PARVG: variants seen among roughly 807,000 people sequenced by gnomAD.
The protein encoded by PARVG is gamma-parvin.
PARVG carries 36 observed loss-of-function variants against 44.4 expected under a neutral mutation model. That is an observed-to-expected ratio of 0.81 (90% CI 0.62 to 1.07). The LOEUF (loss-of-function observed/expected upper bound fraction) is 1.07. Ranked by LOEUF, PARVG falls within the 50% of genes least tolerant of loss-of-function variation. The pLI is 0.00. For synonymous variants in PARVG, 170 were observed against 174.1 expected (o/e 0.98, Z 0.19); for missense variants, 407 against 407.4 (o/e 1.00, Z 0.01).
At chr22:44,190,856 G>T (rs1327403545) in intron 7 of PARVG, among the ~76,000 whole-genome samples, 190 bp downstream of exon 7, 1 of 152,224 alleles carries the variant, frequency 6.6e-6, no homozygotes, top group Admixed American at 6.5e-5. Flanking sequence ...GCTGGTAAGG[G>T]TCTAGTGGGG....
At chr22:44,205,614 G>T (rs1035875398) in intron 12 of PARVG, 143 bp from the exon 13 acceptor site, 7 of 852,890 alleles carry the variant, frequency 8.2e-6, no homozygotes, top group Non-Finnish European at 1.3e-5. Context: ...GATTGTGGTC[G>T]TGGTCAGGGA....
chr22:44,179,923 G>A (rs567303829), upstream of PARVG, among the ~76,000 whole-genome samples: 7 of 152,312 alleles, frequency 4.6e-5, no homozygotes, highest in South Asian at 2.1e-4. This position sits in a 1 kb window ranked among gnomAD's most constrained non-coding sequence, Gnocchi z 4.2. Flanking sequence ...GGAAGCTGCC[G>A]AGTCAGGCTG....
intron 8 of PARVG, among the ~76,000 whole-genome samples, chr22:44,193,000 G>C (rs2054570558): frequency 6.6e-6 from 1 of 152,186 alleles, no homozygotes; most frequent in Non-Finnish European, 1.5e-5. Context: ...GCCATCCTCT[G>C]AAGGCTTGGC....
Position 44,189,214 on chromosome 22 carries a change from T to C in PARVG, c.348T>C (p.Ser116=), listed in dbSNP as rs1009335870. 1.3e-5 allele frequency: 21 copies of C among 1,613,730 alleles called. No homozygotes were observed. Among genetic ancestry groups the C allele is most frequent in the Non-Finnish European group, 1.8e-5 (21 of 1,179,976 alleles). Residue 116 remains serine (S), a synonymous_variant, in exon 6 of 14, where the codon AGT becomes AGC. Coordinates refer to ENST00000444313, the MANE Select transcript of PARVG (RefSeq NM_022141.7). ...LTVVLEAVNR[S]LQLEEWQAKW... ...TGGTGCTGGAGGCCGTGAACCGGAG[T>C]CTGCAGCTGGAGGAGTGGCAGGCCA...
chr22:44,174,034 G>A (rs1229109643), intron 1 of PARVG, among the ~76,000 whole-genome samples: 1 of 152,198 alleles, frequency 6.6e-6, no homozygotes, highest in Non-Finnish European at 1.5e-5. Flanking sequence ...GAGTTTTCAA[G>A]GCCAGCAATG....
chr22:44,204,220 C>T (rs2054748855), intron 12 of PARVG, among the ~76,000 whole-genome samples: 1 of 152,178 alleles, frequency 6.6e-6, no homozygotes. Context: ...ACACTCCTTT[C>T]CATCTGGGAC....
chr22:44,178,694 C>T (rs1039196656), upstream of PARVG, among the ~76,000 whole-genome samples: 8 of 152,016 alleles, frequency 5.3e-5, no homozygotes, highest in Non-Finnish European at 1.2e-4. Flanking sequence ...ATGTTAGTGT[C>T]GTGAAAGATT....
chr22:44,196,057 C>G, intron 9 of PARVG, 98 bp from the exon 10 acceptor site: 1 of 1,309,420 alleles, frequency 7.6e-7, no homozygotes, highest in Non-Finnish European at 1.1e-6. Context: ...TCCCTCTGGA[C>G]TGGTTATTCT....
chr22:44,191,983 C>CT, intron 7 of PARVG, 66 bp from the exon 8 acceptor site: 1 of 1,557,680 alleles, frequency 6.4e-7, no homozygotes, highest in Non-Finnish European at 8.8e-7. Flanking sequence ...AAACGGATCA[C>CT]TGGGGCTTCT....
chr22:44,189,986 T>G (rs559154606), intron 6 of PARVG, among the ~76,000 whole-genome samples: 11 of 152,194 alleles, frequency 7.2e-5, no homozygotes, highest in African/African-American at 2.4e-4. Flanking sequence ...GTTCACAGTT[T>G]GGTATAGATT....
chr22:44,204,850 C>T (rs1188365334), intron 12 of PARVG, among the ~76,000 whole-genome samples: 1 of 152,196 alleles, frequency 6.6e-6, no homozygotes. Flanking sequence ...CACCAGGCTG[C>T]TGCCCTAAGG....
rs185283903 is a variant in PARVG, at chr22:44,190,775, A to G, written c.504+109A>G. The G allele has an allele frequency of 2.8e-5, 25 of 878,422 alleles. No homozygotes were observed. The East Asian group carries it at 6.4e-4, about 23-fold the overall frequency. The allele number at this position is 878,422 out of a possible 1,614,324, so 54.4% of individuals were successfully genotyped here. On this transcript the variant is annotated intron_variant, in intron 7 of 13. Transcript: ENST00000444313. ...GCTGGGGCGGGGCTGACCCAGGGTG[A>G]GTTTCAGGGAACCCTGAGAAATAGA... is the stretch of plus-strand genomic sequence containing the variant.
intron 3 of PARVG, chr22:44,185,018 CCTTT>C (rs367805652): frequency 8.5e-5 from 13 of 152,268 alleles, no homozygotes; most frequent in African/African-American, 2.9e-4. Context: ...TTCATTCCTT[CCTTT>C]CTTCATTCAT....
chr22:44,205,440 C>A (rs1232832817), intron 12 of PARVG, among the ~76,000 whole-genome samples: 4 of 152,242 alleles, frequency 2.6e-5, no homozygotes, highest in Non-Finnish European at 5.9e-5. Context: ...TATTGGGTAT[C>A]CTCCTTGGCG....
intron 1 of PARVG, among the ~76,000 whole-genome samples, chr22:44,174,073 T>C (rs1370823390): frequency 6.6e-6 from 1 of 152,220 alleles, no homozygotes; most frequent in Non-Finnish European, 1.5e-5. Context: ...ATCTTCCGAT[T>C]GGTTCTGTTC....
Position 44,191,353 on chromosome 22 carries a change from G to A in PARVG, c.504+687G>A, listed in dbSNP as rs538055067. ...CCTCTGACTCGCCCCAAGAGAATAA[G>A]CCAAGTTTGGCCACACCCAGTCAGA... On this transcript the variant is annotated intron_variant, in intron 7 of 13. Coordinates refer to ENST00000444313, the MANE Select transcript of PARVG (RefSeq NM_022141.7). Among the ~76,000 whole-genome samples, 7 of 145,596 alleles carry A rather than the reference G, an allele frequency of 4.8e-5. No individual in the cohort carries two copies. In the South Asian group the frequency reaches 8.8e-4, roughly 18 times the overall value.
chr22:44,173,866 C>CAAAG, intron 1 of PARVG, among the ~76,000 whole-genome samples: 3 of 152,290 alleles, frequency 2.0e-5, no homozygotes, highest in Admixed American at 2.0e-4. Context: ...TTCTCCCCAG[C>CAAAG]AAAGAATCAC....
chr22:44,181,086 C>T lies in PARVG; in HGVS notation c.-288C>T, dbSNP rs962666773. 24 of 693,630 alleles carry T rather than the reference C, an allele frequency of 3.5e-5. No individual in the cohort carries two copies. The highest frequency in any genetic ancestry group is 4.3e-5 in the Non-Finnish European group (24 of 563,312). 43.0% of individuals were successfully genotyped at this position (693,630 alleles called of 1,614,324 possible). A position where few individuals can be genotyped will look rare whatever the true frequency, so the allele number is the denominator to read the frequency against. ...AAACTCCTATGCAGCCGTCAAGGCCCCATTCTCCTCTGGAAAGCCTTCCCG... is the reference window on the plus strand; with the variant it reads ...AAACTCCTATGCAGCCGTCAAGGCCTCATTCTCCTCTGGAAAGCCTTCCCG... On this transcript the variant is annotated 5_prime_UTR_variant, in exon 1 of 14. Coordinates refer to ENST00000444313, the MANE Select transcript of PARVG (RefSeq NM_022141.7).
At chr22:44,191,388 ATTTTTTTTTTTTT>A (rs35954868) in intron 7 of PARVG, among the ~76,000 whole-genome samples, 3 of 63,470 alleles carry the variant, frequency 4.7e-5, no homozygotes, top group Admixed American at 2.4e-4. Flanking sequence ...AGTCATTTCT[ATTTTTTTTTTTTT>A]TTTTTTTTTT....
Sources: gnomAD v4.1 joint callset for allele counts (sites outside exome capture counted in the v4.1 genomes callset) on GRCh38, gnomAD v4.1.1 for gene constraint, Gnocchi (gnomAD v3.1) non-coding constraint, MANE v1.5 for transcripts, NCBI Gene and HGNC (gene_info 2026-07-23, HGNC 2026-07-21) for gene names.